Variants in GRIP1 observed in about 807,000 individuals in gnomAD.
GRIP1 encodes glutamate receptor-interacting protein 1.
GRIP1 carries 45 observed loss-of-function variants against 129.9 expected under a neutral mutation model. That is an observed-to-expected ratio of 0.35 (90% CI 0.27 to 0.44). GRIP1 has a LOEUF of 0.44. GRIP1 is among the 20% of genes least tolerant of loss of function. The pLI is 1.00. For synonymous variants in GRIP1, 530 were observed against 520.8 expected, an observed-to-expected ratio of 1.02 and a Z score of -0.24; for missense variants, 1,196 against 1,396.8, an observed-to-expected ratio of 0.86 and a Z score of 2.29.
intron 1 of GRIP1, among the ~76,000 whole-genome samples, chr12:66,810,561 G>GA (rs2039083688): frequency 2.7e-5 from 4 of 148,068 alleles, no homozygotes; most frequent in South Asian, 4.4e-4. Context: ...CTGTGTCAAG[G>GA]AAAAAAAAGA....
chr12:66,836,722 T>C (rs1006414549), intron 1 of GRIP1, among the ~76,000 whole-genome samples: 1 of 152,200 alleles, frequency 6.6e-6, no homozygotes, highest in Non-Finnish European at 1.5e-5. Flanking sequence ...CCAGCAGCAG[T>C]ACTTGGTGTC....
chr12:67,020,593 TG>T (rs2042851603), intron 1 of GRIP1, among the ~76,000 whole-genome samples: 1 of 152,018 alleles, frequency 6.6e-6, no homozygotes, highest in African/African-American at 2.4e-5. Flanking sequence ...TTTGTAGAGA[TG>T]GGATCTCTCT....
intron 1 of GRIP1, among the ~76,000 whole-genome samples, chr12:66,780,846 A>T (rs6581716): frequency 0.35 from 53,415 of 151,978 alleles, 9,556 homozygotes; most frequent in Non-Finnish European, 0.4. Context: ...AGCTCAAACT[A>T]GCCCATGCAG....
At chr12:66,576,232 C>A (rs1393061443) in intron 2 of GRIP1, among the ~76,000 whole-genome samples, 1 of 152,162 alleles carries the variant, frequency 6.6e-6, no homozygotes. Context: ...TTAGAAAGAT[C>A]TCTCATAATA....
chr12:66,374,816 A>T (rs953233579), intron 22 of GRIP1, among the ~76,000 whole-genome samples: 1 of 152,228 alleles, frequency 6.6e-6, no homozygotes, highest in Non-Finnish European at 1.5e-5. Flanking sequence ...GAATCTGTAC[A>T]GTAATCAAAG....
intron 1 of GRIP1, among the ~76,000 whole-genome samples, chr12:66,661,443 C>T (rs1161336383): frequency 1.8e-5 from 2 of 112,138 alleles, no homozygotes; most frequent in African/African-American, 7.1e-5. Flanking sequence ...AAAATGAAAG[C>T]TTTGTTAGAT....
intron 1 of GRIP1, among the ~76,000 whole-genome samples, chr12:66,899,325 T>C (rs1437903335): frequency 1.3e-5 from 2 of 150,114 alleles, no homozygotes; most frequent in African/African-American, 2.4e-5. Flanking sequence ...GTACTTCCTG[T>C]AGACATCATT....
intron 11 of GRIP1, among the ~76,000 whole-genome samples, chr12:66,450,806 T>A (rs1385046417): frequency 1.3e-5 from 2 of 152,140 alleles, no homozygotes; most frequent in East Asian, 1.9e-4. Flanking sequence ...AAAAGATATA[T>A]TGTGATTTAA....
chr12:66,940,417 A>G (rs2041565941), intron 1 of GRIP1, among the ~76,000 whole-genome samples: 1 of 151,976 alleles, frequency 6.6e-6, no homozygotes, highest in South Asian at 2.1e-4. Context: ...ACCCCACTGC[A>G]CTCCCAACCT....
chr12:66,635,664 GA>G (rs1229084011), intron 1 of GRIP1, among the ~76,000 whole-genome samples: 1 of 151,874 alleles, frequency 6.6e-6, no homozygotes, highest in Non-Finnish European at 1.5e-5. Context: ...CAGAAATCAA[GA>G]GAAGAAAATT....
At chr12:67,023,030 G>C (rs1022042860) in intron 1 of GRIP1, among the ~76,000 whole-genome samples, 1 of 152,052 alleles carries the variant, frequency 6.6e-6, no homozygotes, top group South Asian at 2.1e-4. Context: ...ACAGAGTTTT[G>C]AGAGTTCTTT....
chr12:67,015,649 G>T (rs148757623), intron 1 of GRIP1, among the ~76,000 whole-genome samples: 1 of 152,168 alleles, frequency 6.6e-6, no homozygotes, highest in East Asian at 1.9e-4. Context: ...TACCCAAAGC[G>T]ATGCAAGGAA....
At chr12:66,480,249 A>T (rs1208470709) in intron 7 of GRIP1, among the ~76,000 whole-genome samples, 1 of 152,208 alleles carries the variant, frequency 6.6e-6, no homozygotes, top group Non-Finnish European at 1.5e-5. Flanking sequence ...ATGTGCAAAA[A>T]TAACAAGCAT....
chr12:66,543,591 C>G (rs1251502228), intron 2 of GRIP1, among the ~76,000 whole-genome samples: 2 of 152,102 alleles, frequency 1.3e-5, no homozygotes, highest in Non-Finnish European at 2.9e-5. Context: ...TACGTAGATT[C>G]AACTGATATT....
At chr12:66,944,366 T>G (rs1022083058) in intron 1 of GRIP1, among the ~76,000 whole-genome samples, 1 of 152,196 alleles carries the variant, frequency 6.6e-6, no homozygotes, top group South Asian at 2.1e-4. Flanking sequence ...ATCTTTTCAG[T>G]GTAAAAGGCT....
At chr12:66,557,604 T>C (rs972927350) in intron 2 of GRIP1, among the ~76,000 whole-genome samples, 2 of 152,160 alleles carry the variant, frequency 1.3e-5, no homozygotes, top group Admixed American at 6.5e-5. Context: ...AAATTTGAAA[T>C]GGTGTCAAGT....
Position 66,529,866 on chromosome 12 carries a change from T to G in GRIP1, c.467A>C (p.His156Pro). The G allele has an allele frequency of 6.2e-7, 1 of 1,606,422 alleles. No individual in the cohort carries two copies. Among genetic ancestry groups the G allele is most frequent in the African/African-American group, 1.3e-5 (1 of 74,894 alleles). The change falls in exon 5 of 25, where the codon CAT becomes CCT. Residue 156 changes from histidine (H) to proline (P), a missense_variant. His to Pro is a moderately conservative substitution (Grantham distance 77). Transcript: ENST00000359742. Reference protein sequence around the residue: ...VIFRTVEVTLHKEGNTFGFVI... With the variant: ...VIFRTVEVTLPKEGNTFGFVI... ...AAAACCAAAGGTATTGCCTTCTTTA[T>G]GTAATGTGACCTCCACTGTTCGGAA...
chr12:66,397,303 G>A (rs1456562289), intron 16 of GRIP1, among the ~76,000 whole-genome samples: 1 of 151,790 alleles, frequency 6.6e-6, no homozygotes, highest in Non-Finnish European at 1.5e-5. Context: ...CCTTAGGTCA[G>A]GAGTTTGAGA....
rs79812463 is a variant in GRIP1 at position 66,372,439 on chromosome 12, G to T, written c.2779-512C>A. 3.4e-3 allele frequency: 689 copies of T among 203,366 alleles called. 4 individuals carry two copies. Among genetic ancestry groups the T allele is most frequent in the African/African-American group, 0.013 (578 of 43,062 alleles). 12.6% of individuals were successfully genotyped at this position (203,366 alleles called of 1,614,324 possible). A position where few individuals can be genotyped will look rare whatever the true frequency, so the allele number is the denominator to read the frequency against. On this transcript the variant is annotated intron_variant, in intron 22 of 24. Transcript: ENST00000359742. ...TATAAAGGCAAGGGGTTCTTCCCAA[G>T]CTTCGTCTAGACTGTATATTGTCTT...
Sources: allele counts gnomAD v4.1 joint callset (sites outside exome capture counted in the v4.1 genomes callset), GRCh38; gene constraint gnomAD v4.1.1; transcripts MANE v1.5; gene names NCBI Gene and HGNC (gene_info 2026-07-23, HGNC 2026-07-21).